CIB4: variants seen among roughly 807,000 people sequenced by gnomAD.
CIB4 encodes the protein calcium and integrin binding family member 4.
In CIB4, 25 loss-of-function variants were observed where a neutral mutation model predicts 25.8. That is an observed-to-expected ratio of 0.97 (90% CI 0.71 to 1.35). The LOEUF (loss-of-function observed/expected upper bound fraction) is 1.35. Ranked by LOEUF, CIB4 falls within the 40% of genes most tolerant of loss-of-function variation. The probability of loss-of-function intolerance (pLI) is 0.00; values close to 1 mark genes in which losing one functional copy is unlikely to be tolerated. For missense variants in CIB4, 235 were observed against 228.2 expected, an observed-to-expected ratio of 1.03 and a Z score of -0.19; for synonymous variants, 75 against 81.4, an observed-to-expected ratio of 0.92 and a Z score of 0.42.
chr2:26,626,382 G>GA (rs1031744696), intron 3 of CIB4, among the ~76,000 whole-genome samples: 7 of 53,152 alleles, frequency 1.3e-4, no homozygotes, highest in Non-Finnish European at 2.3e-4. Flanking sequence ...AACCCAAGTA[G>GA]AAAAAAAAAG....
At chr2:26,597,483 TA>T (rs920719996) in intron 3 of CIB4, among the ~76,000 whole-genome samples, 2 of 152,038 alleles carry the variant, frequency 1.3e-5, no homozygotes, top group African/African-American at 4.8e-5. Flanking sequence ...AGCTCAATCT[TA>T]AAGCAAGATT....
chr2:26,638,813 G>A (rs774796295), intron 2 of CIB4, among the ~76,000 whole-genome samples: 20 of 152,102 alleles, frequency 1.3e-4, no homozygotes, highest in Admixed American at 2.6e-4. Flanking sequence ...TTTGCCGGGC[G>A]TGGTGGCAGG....
In CIB4 at chr2:26,595,897, GCACACACACACACA is replaced by G. The variant is rs61283412; in HGVS notation, c.187-594_187-581del. On this transcript the variant is annotated intron_variant, in intron 3 of 6. Transcript: ENST00000288861. ...TCCATGTCACATGACTTATCTGCGC[GCACACACACACACA>G]CACACACACACACACACAAACCATG... Among the ~76,000 whole-genome samples, 12 of 32,148 alleles carry G rather than the reference GCACACACACACACA, an allele frequency of 3.7e-4. No homozygotes were observed. In the Admixed American group the frequency reaches 4.2e-3, roughly 11 times the overall value. The allele number at this position is 32,148 out of a possible 152,430, so 21.1% of individuals were successfully genotyped here. A position where few individuals can be genotyped will look rare whatever the true frequency, so the allele number is the denominator to read the frequency against.
intron 3 of CIB4, among the ~76,000 whole-genome samples, chr2:26,625,594 C>T (rs1322414051): frequency 2.6e-5 from 4 of 152,194 alleles, no homozygotes; most frequent in African/African-American, 7.2e-5. Flanking sequence ...TCAGGTGATC[C>T]ACCCGCTTCG....
In CIB4 at chr2:26,627,592, C is replaced by CACAT. The variant is rs1669333471; in HGVS notation, c.186+1814_186+1817dup. On this transcript the variant is annotated intron_variant, in intron 3 of 6. Transcript: ENST00000288861. The surrounding 1 kb of genome is among the most constrained non-coding windows in gnomAD (Gnocchi z 4.0). ...ATGTGGTGGAGCCCATGCACGTGTA[C>CACAT]ACATGGGGTGTGACTGTATGAGGGT... Among the ~76,000 whole-genome samples the CACAT allele has an allele frequency of 6.6e-6, 1 of 152,162 alleles. No homozygotes were observed. Among genetic ancestry groups the CACAT allele is most frequent in the Non-Finnish European group, 1.5e-5 (1 of 68,032 alleles).
At position 26,638,796 on chromosome 2, in the gene CIB4, A is replaced by G. The variant is rs28458835; in HGVS notation, c.89+1737T>C. On this transcript the variant is annotated intron_variant, in intron 2 of 6. Coordinates refer to ENST00000288861, the MANE Select transcript of CIB4 (RefSeq NM_001029881.3). ...GGTGAAACCCTATCTCTACAGAAAT[A>G]CAAAAATTTGCCGGGCGTGGTGGCA... 3.6e-3 allele frequency among the ~76,000 whole-genome samples: 544 copies of G among 152,240 alleles called. 4 individuals carry two copies. Among genetic ancestry groups the G allele is most frequent in the African/African-American group, 0.012 (499 of 41,536 alleles).
At chr2:26,629,008 G>A (rs970266880) in intron 3 of CIB4, among the ~76,000 whole-genome samples, 1 of 152,138 alleles carries the variant, frequency 6.6e-6, no homozygotes, top group Non-Finnish European at 1.5e-5. Context: ...AGAGTGGGGT[G>A]GACTGCAAGC....
At chr2:26,619,742 G>A (rs144223746) in intron 3 of CIB4, among the ~76,000 whole-genome samples, 1,777 of 150,468 alleles carry the variant, frequency 0.012, 28 homozygotes, top group African/African-American at 0.04. Context: ...ACACCACCCC[G>A]ATCTCCATCC....
At chr2:26,632,951 C>T (rs192626717) in intron 2 of CIB4, among the ~76,000 whole-genome samples, 3 of 152,016 alleles carry the variant, frequency 2.0e-5, no homozygotes, top group Admixed American at 2.0e-4. Flanking sequence ...CCTAAGGCAA[C>T]GCACAAGTGA....
intron 3 of CIB4, among the ~76,000 whole-genome samples, chr2:26,596,218 T>A (rs1668680220): frequency 1.3e-5 from 2 of 152,176 alleles, no homozygotes; most frequent in Non-Finnish European, 2.9e-5. Flanking sequence ...AGTAAATGAA[T>A]GTCTTTAATA....
intron 2 of CIB4, among the ~76,000 whole-genome samples, chr2:26,631,016 T>C (rs765227178): frequency 2.0e-5 from 3 of 152,142 alleles, no homozygotes; most frequent in Non-Finnish European, 4.4e-5. Context: ...TCCTTTCCTG[T>C]TCCTCTCCTG....
chr2:26,613,568 T>C, intron 3 of CIB4, among the ~76,000 whole-genome samples: 1 of 152,230 alleles, frequency 6.6e-6, no homozygotes, highest in East Asian at 1.9e-4. Flanking sequence ...CTCCATTCTG[T>C]CATCCAGTCT....
In CIB4 at chr2:26,583,903, AAAG is replaced by A. The variant is rs776206091; in HGVS notation, c.329-8_329-6del. On this transcript the variant is annotated splice_polypyrimidine_tract_variant and splice_region_variant and intron_variant, in intron 4 of 6. Coordinates refer to ENST00000288861, the MANE Select transcript of CIB4 (RefSeq NM_001029881.3). ...TGAAGCCATTCTCATTAAAATCTGC[AAAG>A]AAGAGGCCAGGCCTGCATTAGACGG... 28 of 1,583,304 alleles carry A rather than the reference AAAG, an allele frequency of 1.8e-5. No individual in the cohort carries two copies. The highest frequency in any genetic ancestry group is 6.7e-5 in the Admixed American group (4 of 59,960).
intron 2 of CIB4, among the ~76,000 whole-genome samples, chr2:26,633,066 G>A (rs773288082): frequency 3.3e-5 from 5 of 152,140 alleles, no homozygotes; most frequent in Non-Finnish European, 7.3e-5. Flanking sequence ...GCAAGGAAGG[G>A]ACCATTGTTT....
Position 26,622,482 on chromosome 2 carries a change from G to A in CIB4, c.186+6928C>T, listed in dbSNP as rs558055701. On this transcript the variant is annotated intron_variant, in intron 3 of 6. Coordinates refer to ENST00000288861, the MANE Select transcript of CIB4 (RefSeq NM_001029881.3). ...GAGTGAGGAATAGGATGGGTGTTGG[G>A]GAGGGGAAGAGCTTTAGCTCTTCTT... Among the ~76,000 whole-genome samples the A allele has an allele frequency of 3.9e-5, 6 of 152,286 alleles. No individual in the cohort carries two copies. In the South Asian group the frequency reaches 1.2e-3, roughly 32 times the overall value.
intron 1 of CIB4, 86 bp from the exon 2 acceptor site, chr2:26,640,653 G>A: frequency 7.2e-7 from 1 of 1,394,168 alleles, no homozygotes; most frequent in Non-Finnish European, 1.0e-6. Context: ...AGAGGCTGGG[G>A]AGGAAATGCC....
Position 26,627,873 on chromosome 2 carries a change from G to A in CIB4, c.186+1537C>T, listed in dbSNP as rs1669338334. Among the ~76,000 whole-genome samples, 1 of 151,734 alleles carries A rather than the reference G, an allele frequency of 6.6e-6. No individual in the cohort carries two copies. The highest frequency in any genetic ancestry group is 1.5e-5 in the Non-Finnish European group (1 of 68,010). On this transcript the variant is annotated intron_variant, in intron 3 of 6. Transcript: ENST00000288861. This position sits in a 1 kb window ranked among gnomAD's most constrained non-coding sequence, Gnocchi z 4.0. ...CTCTGTCTGCCCTACAGATAGGCCT[G>A]TCACTTAGGAGGGGCCGTGCAGCCG... is the stretch of plus-strand genomic sequence containing the variant.
chr2:26,611,408 A>T (rs894193712), intron 3 of CIB4, among the ~76,000 whole-genome samples: 1 of 152,202 alleles, frequency 6.6e-6, no homozygotes, highest in African/African-American at 2.4e-5. Flanking sequence ...ACTTAGAGGG[A>T]GGTCTCTAGT....
In CIB4 at chr2:26,583,291, A is replaced by G. The variant is rs532826415; in HGVS notation, c.439-378T>C. ...CTTCTAGTCCCCATCGAGACTGGAA[A>G]TGCTGGACACTTGTCATGTTCTGAA... is the stretch of plus-strand genomic sequence containing the variant. On this transcript the variant is annotated intron_variant, in intron 5 of 6. Coordinates refer to ENST00000288861, the MANE Select transcript of CIB4 (RefSeq NM_001029881.3). Among the ~76,000 whole-genome samples the G allele has an allele frequency of 2.6e-5, 4 of 152,276 alleles. No homozygotes were observed. In the East Asian group the frequency reaches 7.7e-4, roughly 29 times the overall value.
Sources: gnomAD v4.1 joint callset for allele counts (sites outside exome capture counted in the v4.1 genomes callset) on GRCh38, gnomAD v4.1.1 for gene constraint, Gnocchi (gnomAD v3.1) non-coding constraint, MANE v1.5 for transcripts, NCBI Gene and HGNC (gene_info 2026-07-23, HGNC 2026-07-21) for gene names.